Variants in AZIN2 observed in about 807,000 individuals in gnomAD.
The protein encoded by AZIN2 is antizyme inhibitor 2, also known as ODC antizyme inhibitor-2.
In AZIN2, 28 loss-of-function variants were observed where a neutral mutation model predicts 47.8. That is an observed-to-expected ratio of 0.59 (90% CI 0.43 to 0.80). The LOEUF (loss-of-function observed/expected upper bound fraction) is 0.80. Ranked by LOEUF, AZIN2 falls within the 30% of genes least tolerant of loss-of-function variation. The pLI is 0.00. For synonymous variants in AZIN2, 221 were observed against 239.4 expected, an observed-to-expected ratio of 0.92 and a Z score of 0.71; for missense variants, 535 against 582.5, an observed-to-expected ratio of 0.92 and a Z score of 0.84.
the AZIN2 span, among the ~76,000 whole-genome samples, chr1:33,151,869 G>T: frequency 6.6e-6 from 1 of 152,250 alleles, no homozygotes; most frequent in African/African-American, 2.4e-5. Context: ...CCGGGGCACA[G>T]CCCAGCACAG....
chr1:33,102,162 T>C (rs756565764), intron 10 of AZIN2, among the ~76,000 whole-genome samples: 1 of 152,188 alleles, frequency 6.6e-6, no homozygotes, highest in Non-Finnish European at 1.5e-5. Flanking sequence ...TTCTCCAGCA[T>C]GGAGTATTGC....
At chr1:33,093,441 C>A (rs1343408063) in intron 7 of AZIN2, 25 bp downstream of exon 7, 1 of 1,608,822 alleles carries the variant, frequency 6.2e-7, no homozygotes, top group Non-Finnish European at 8.5e-7. Flanking sequence ...CCCCTGCCAT[C>A]CCCTCCCACA....
chr1:33,126,876 G>T (rs768534837), downstream of AZIN2, among the ~76,000 whole-genome samples: 5 of 152,186 alleles, frequency 3.3e-5, no homozygotes, highest in African/African-American at 4.8e-5. Flanking sequence ...TTATACTAAA[G>T]CATTACTCGT....
chr1:33,109,673 C>A (rs1305823293), intron 10 of AZIN2, among the ~76,000 whole-genome samples: 1 of 151,890 alleles, frequency 6.6e-6, no homozygotes, highest in Non-Finnish European at 1.5e-5. Context: ...TTAATAAAGT[C>A]CAGTTTATCA....
the AZIN2 span, among the ~76,000 whole-genome samples, chr1:33,151,973 A>C: frequency 6.6e-6 from 1 of 152,264 alleles, no homozygotes; most frequent in Non-Finnish European, 1.5e-5. Flanking sequence ...GCTGGCTGTA[A>C]GCGTTTTCCT....
chr1:33,165,749 C>T, the AZIN2 span: 1 of 446,644 alleles, frequency 2.2e-6, no homozygotes, highest in Non-Finnish European at 4.0e-6. This position sits in a 1 kb window ranked among gnomAD's most constrained non-coding sequence, Gnocchi z 4.0. Flanking sequence ...ACCTCCAGAA[C>T]CCGTCCGTAT....
chr1:33,115,607 G>A (rs1245944564), intron 10 of AZIN2, among the ~76,000 whole-genome samples: 1 of 28,300 alleles, frequency 3.5e-5, no homozygotes, highest in Non-Finnish European at 6.2e-5. Context: ...GGGAGGCTGA[G>A]ACAGGAGAAT....
At position 33,093,414 on chromosome 1, in the gene AZIN2, G is replaced by A; in HGVS notation, c.585G>A (p.Val195=). ...AGCACCATGTGGAGGTGGTGGGTGTGAGGTGAGCACTGGGAACCCCTGCCA... is the reference window on the plus strand; with the variant it reads ...AGCACCATGTGGAGGTGGTGGGTGTAAGGTGAGCACTGGGAACCCCTGCCA... ...AKKHHVEVVG[V]SFHIGSGCPD... The change falls in exon 7 of 12, where the codon GTG becomes GTA. Residue 195 remains valine, a splice_region_variant and synonymous_variant. Coordinates refer to ENST00000294517, the MANE Select transcript of AZIN2 (RefSeq NM_052998.4). 6.2e-7 allele frequency: 1 copy of A among 1,613,506 alleles called. No individual in the cohort carries two copies. Among genetic ancestry groups the A allele is most frequent in the East Asian group, 2.2e-5 (1 of 44,858 alleles).
At chr1:33,159,912 G>A in the AZIN2 span, 28 of 1,607,704 alleles carry the variant, frequency 1.7e-5, no homozygotes, top group East Asian at 3.8e-4. This position sits in a 1 kb window ranked among gnomAD's most constrained non-coding sequence, Gnocchi z 4.2. Flanking sequence ...CGAAGGCCTC[G>A]CCGATAGTGG....
chr1:33,147,210 A>C, the AZIN2 span: 32 of 1,613,846 alleles, frequency 2.0e-5, no homozygotes, highest in African/African-American at 3.5e-4. The surrounding 1 kb of genome is among the most constrained non-coding windows in gnomAD (Gnocchi z 8.1). Context: ...GCAGCGGCTG[A>C]ACGTTCTTGC....
At chr1:33,155,134 C>T in the AZIN2 span, among the ~76,000 whole-genome samples, 19 of 147,998 alleles carry the variant, frequency 1.3e-4, no homozygotes, top group African/African-American at 3.7e-4. Flanking sequence ...TGCAGTGGCG[C>T]GATCTCGGCT....
In AZIN2 at chr1:33,090,065, A is replaced by C. The variant is rs185974065; in HGVS notation, c.280-1985A>C. 9.2e-5 allele frequency among the ~76,000 whole-genome samples: 14 copies of C among 152,324 alleles called. No individual in the cohort carries two copies. The East Asian group carries it at 2.7e-3, about 29-fold the overall frequency. On this transcript the variant is annotated intron_variant, in intron 5 of 11. Transcript: ENST00000294517. ...CTGAATAAAAGGGTGAATCCAAAGT[A>C]GGGGTTGGCAAACTACGGATGGAAG...
the AZIN2 span, chr1:33,145,690 T>C: frequency 2.9e-6 from 1 of 342,652 alleles, no homozygotes; most frequent in African/African-American, 2.2e-5. Context: ...GGGAGACATT[T>C]AGGCTCAGTC....
chr1:33,161,804 C>A, the AZIN2 span, among the ~76,000 whole-genome samples: 1 of 152,188 alleles, frequency 6.6e-6, no homozygotes, highest in African/African-American at 2.4e-5. This position sits in a 1 kb window ranked among gnomAD's most constrained non-coding sequence, Gnocchi z 4.3. Flanking sequence ...CAGCACTTAG[C>A]CCACTCGCCA....
rs1644795688 is a variant in AZIN2 at position 33,121,555 on chromosome 1, G to A, written c.*1373G>A. Among the ~76,000 whole-genome samples, 1 of 152,210 alleles carries A rather than the reference G, an allele frequency of 6.6e-6. No homozygotes were observed. The highest frequency in any genetic ancestry group is 2.4e-5 in the African/African-American group (1 of 41,460). ...ATTGCACCACTGCACTCCAGCCTGG[G>A]CGACTGAGCGAGACCCTGCCTCAAA... On this transcript the variant is annotated 3_prime_UTR_variant, in exon 12 of 12. Coordinates refer to ENST00000294517, the MANE Select transcript of AZIN2 (RefSeq NM_052998.4).
chr1:33,098,204 T>C, intron 10 of AZIN2, 25 bp downstream of exon 10: 1 of 1,513,220 alleles, frequency 6.6e-7, no homozygotes. Context: ...CGTGGGCCTG[T>C]TTTCAGTTGT....
Position 33,121,564 on chromosome 1 carries a change from C to A in AZIN2, c.*1382C>A, listed in dbSNP as rs957538309. On this transcript the variant is annotated 3_prime_UTR_variant, in exon 12 of 12. Coordinates refer to ENST00000294517, the MANE Select transcript of AZIN2 (RefSeq NM_052998.4). Reference sequence around the variant, plus strand: ...CTGCACTCCAGCCTGGGCGACTGAGCGAGACCCTGCCTCAAATAAAGAAAT... The same window carrying A: ...CTGCACTCCAGCCTGGGCGACTGAGAGAGACCCTGCCTCAAATAAAGAAAT... 6.6e-6 allele frequency among the ~76,000 whole-genome samples: 1 copy of A among 152,116 alleles called. No homozygotes were observed. Among genetic ancestry groups the A allele is most frequent in the African/African-American group, 2.4e-5 (1 of 41,404 alleles).
chr1:33,149,730 T>C, the AZIN2 span, among the ~76,000 whole-genome samples: 1 of 152,222 alleles, frequency 6.6e-6, no homozygotes, highest in African/African-American at 2.4e-5. Context: ...GCTGGGATTA[T>C]AGGTGTGAGC....
At chr1:33,089,609 C>T (rs1312192573) in intron 5 of AZIN2, among the ~76,000 whole-genome samples, 1 of 152,184 alleles carries the variant, frequency 6.6e-6, no homozygotes, top group Non-Finnish European at 1.5e-5. Flanking sequence ...CCCTGGGAAG[C>T]AAGCTGTGGT....
Sources: gnomAD v4.1 joint callset for allele counts (sites outside exome capture counted in the v4.1 genomes callset) on GRCh38, gnomAD v4.1.1 for gene constraint, Gnocchi (gnomAD v3.1) non-coding constraint, MANE v1.5 for transcripts, NCBI Gene and HGNC (gene_info 2026-07-23, HGNC 2026-07-21) for gene names.